Variants in ABCA5 observed in about 807,000 individuals in gnomAD.
ABCA5 encodes ATP binding cassette subfamily A member 5, also known as cholesterol transporter ABCA5.
A neutral mutation model predicts 206.0 loss-of-function variants in ABCA5; 163 were observed. That is an observed-to-expected ratio of 0.79 (90% CI 0.70 to 0.90). The LOEUF (loss-of-function observed/expected upper bound fraction) is 0.90. Ranked by LOEUF, ABCA5 falls within the 40% of genes least tolerant of loss-of-function variation. ABCA5 has a pLI of 0.00. For missense variants in ABCA5, 1,859 were observed against 1,912.9 expected (o/e 0.97, Z 0.53); for synonymous variants, 609 against 613.8 (o/e 0.99, Z 0.11).
chr17:69,250,766 T>C (rs1052495850), intron 35 of ABCA5, 145 bp from the exon 36 acceptor site: 16 of 472,520 alleles, frequency 3.4e-5, no homozygotes, highest in Non-Finnish European at 5.2e-5. Context: ...CCATACACTC[T>C]TTATCCGGTT....
chr17:69,323,340 C>T (rs1203816259), intron 1 of ABCA5, among the ~76,000 whole-genome samples: 3 of 152,254 alleles, frequency 2.0e-5, no homozygotes, highest in South Asian at 2.1e-4. Context: ...GCACTAACCT[C>T]GTACGAAAAA....
At position 69,303,808 on chromosome 17, in the gene ABCA5, A is replaced by G. The variant is rs1216795495; in HGVS notation, c.930+861T>C. On this transcript the variant is annotated intron_variant, in intron 7 of 38. Transcript: ENST00000392676. Reference sequence around the variant, plus strand: ...AAAATATATATATATATATATATATACATACATATATATATATGTATATAT... The same window carrying G: ...AAAATATATATATATATATATATATGCATACATATATATATATGTATATAT... Among the ~76,000 whole-genome samples, 59 of 6,700 alleles carry G rather than the reference A, an allele frequency of 8.8e-3. 4 individuals carry two copies. Among genetic ancestry groups the G allele is most frequent in the African/African-American group, 9.7e-3 (59 of 6,094 alleles). 4.4% of individuals were successfully genotyped at this position (6,700 alleles called of 152,430 possible).
chr17:69,306,911 T>C lies in ABCA5; in HGVS notation c.602A>G (p.Lys201Arg), dbSNP rs1239513292. ...AGCAGTTTCTCCCATAATAACAGCT[T>C]TAGTTGACTCCAGCTCCTTCCAAAG... ...VSLWKELEST[K>R]AVIMGETAVV... Residue 201 changes from lysine to arginine, a missense_variant, in exon 6 of 39, where the codon AAA becomes AGA. Lys to Arg is a conservative substitution (Grantham distance 26). Coordinates refer to ENST00000392676, the MANE Select transcript of ABCA5 (RefSeq NM_172232.4). 1 of 1,589,638 alleles carries C rather than the reference T, an allele frequency of 6.3e-7. No individual in the cohort carries two copies. Among genetic ancestry groups the C allele is most frequent in the Non-Finnish European group, 8.6e-7 (1 of 1,167,662 alleles).
Position 69,297,132 on chromosome 17 carries a change from A to G in ABCA5, c.1436+59T>C, listed in dbSNP as rs901312432. 75 of 1,482,978 alleles carry G rather than the reference A, an allele frequency of 5.1e-5. 1 individual carries two copies. Among genetic ancestry groups the G allele is most frequent in the Non-Finnish European group, 1.1e-5 (12 of 1,083,630 alleles). The allele number at this position is 1,482,978 out of a possible 1,614,324, so 91.9% of individuals were successfully genotyped here. The stretch of plus-strand genomic sequence containing the variant: ...ATATTTACATACATATTTAAAGAAT[A>G]GGATTTAAATGTTTCATCAGCAGTT... On this transcript the variant is annotated intron_variant, in intron 10 of 38. Transcript: ENST00000392676.
At chr17:69,321,343 G>A (rs1297664915) in intron 1 of ABCA5, among the ~76,000 whole-genome samples, 1 of 152,158 alleles carries the variant, frequency 6.6e-6, no homozygotes, top group Admixed American at 6.5e-5. Flanking sequence ...TGAAAACAGG[G>A]CTGCAAAGTT....
At position 69,313,180 on chromosome 17, in the gene ABCA5, A is replaced by T; in HGVS notation, c.219T>A (p.Thr73=). 4 of 1,605,278 alleles carry T rather than the reference A, an allele frequency of 2.5e-6. No homozygotes were observed. Among genetic ancestry groups the T allele is most frequent in the Non-Finnish European group, 3.4e-6 (4 of 1,172,654 alleles). The part of the protein sequence containing the change: ...NIELNPMDKF[T]LSNLILGYTP... ...TATATCCAAGAATTAGATTAGAAAG[A>T]GTAAACTTGTCCATAGGATTGAGTT... Residue 73 remains threonine (T), a synonymous_variant, in exon 3 of 39, where the codon ACT becomes ACA. Transcript: ENST00000392676.
At position 69,289,217 on chromosome 17, in the gene ABCA5, CT is replaced by C; in HGVS notation, c.1861del (p.Arg621GlufsTer5). 6.2e-7 allele frequency: 1 copy of C among 1,609,236 alleles called. No homozygotes were observed. The highest frequency in any genetic ancestry group is 8.5e-7 in the Non-Finnish European group (1 of 1,177,952). On this transcript the variant is annotated frameshift_variant, in exon 14 of 39. Coordinates refer to ENST00000392676, the MANE Select transcript of ABCA5 (RefSeq NM_172232.4). LOFTEE classifies it high-confidence loss of function. ...AACAGCAATTCCTAATGACAGCTTT[CT>C]TTTTTGACCACCACTTAATTTTTTA... ...QAKKLSGGQK[R>X]KLSLGIAVLG...
At chr17:69,271,851 A>G (rs1484051148) in intron 20 of ABCA5, among the ~76,000 whole-genome samples, 1 of 152,194 alleles carries the variant, frequency 6.6e-6, no homozygotes, top group Non-Finnish European at 1.5e-5. Flanking sequence ...CTGGGCAGAC[A>G]TGTCAATTGC....
chr17:69,288,594 C>T (rs1031027929), intron 14 of ABCA5, among the ~76,000 whole-genome samples: 2 of 151,766 alleles, frequency 1.3e-5, no homozygotes, highest in East Asian at 3.9e-4. Flanking sequence ...GGAGGCCAGG[C>T]GTGGTGGCTC....
chr17:69,304,472 TCTAAAA>T (rs1234955561), intron 7 of ABCA5, 191 bp downstream of exon 7: 2 of 432,494 alleles, frequency 4.6e-6, no homozygotes, highest in Admixed American at 8.6e-5. Context: ...TAAATCTAAA[TCTAAAA>T]CTATTTTGTA....
At chr17:69,257,353 CAAA>C (rs542087331) in intron 28 of ABCA5, among the ~76,000 whole-genome samples, 7 of 54,898 alleles carry the variant, frequency 1.3e-4, no homozygotes, top group African/African-American at 2.0e-4. Flanking sequence ...GATTCCATCT[CAAA>C]AAAAAAAAAA....
At chr17:69,253,225 C>G (rs1164869015) in intron 34 of ABCA5, among the ~76,000 whole-genome samples, 1 of 152,108 alleles carries the variant, frequency 6.6e-6, no homozygotes. Flanking sequence ...TAGAAAGAGT[C>G]TCAACATAAA....
rs572809016 is a variant in ABCA5, at chr17:69,270,392, T to C, written c.3030+221A>G. 4.6e-5 allele frequency among the ~76,000 whole-genome samples: 7 copies of C among 152,200 alleles called. No individual in the cohort carries two copies. The East Asian group carries it at 1.3e-3, about 29-fold the overall frequency. Reference sequence around the variant, plus strand: ...CAATATAGAACACACTTATTCCTTATACAAATATTAATACCAAAACAGAAT... The same window carrying C: ...CAATATAGAACACACTTATTCCTTACACAAATATTAATACCAAAACAGAAT... On this transcript the variant is annotated intron_variant, in intron 22 of 38. Coordinates refer to ENST00000392676, the MANE Select transcript of ABCA5 (RefSeq NM_172232.4).
intron 8 of ABCA5, 134 bp from the exon 9 acceptor site, chr17:69,301,420 C>A: frequency 5.7e-6 from 3 of 524,168 alleles, no homozygotes; most frequent in Non-Finnish European, 9.5e-6. Context: ...AAACACTTGA[C>A]CAAATTAATA....
chr17:69,300,808 A>C (rs191962019), intron 9 of ABCA5, among the ~76,000 whole-genome samples: 1 of 152,278 alleles, frequency 6.6e-6, no homozygotes, highest in African/African-American at 2.4e-5. Context: ...AAATGGTAGG[A>C]GTTACAAGAT....
intron 11 of ABCA5, among the ~76,000 whole-genome samples, chr17:69,293,835 T>G (rs1017867705): frequency 4.7e-5 from 4 of 85,160 alleles, no homozygotes; most frequent in South Asian, 5.1e-4. Flanking sequence ...ATCATACTGG[T>G]GTGTGTGTGT....
At position 69,313,315 on chromosome 17, in the gene ABCA5, A is replaced by T; in HGVS notation, c.103-19T>A. 8.4e-7 allele frequency: 1 copy of T among 1,191,340 alleles called. No homozygotes were observed. Among genetic ancestry groups the T allele is most frequent in the Non-Finnish European group, 1.2e-6 (1 of 850,438 alleles). 73.8% of individuals were successfully genotyped at this position (1,191,340 alleles called of 1,614,324 possible). ...GAATTTCCTACAATAAAAGAAACAA[A>T]GTAATTACAAAGTATAACAATGGCA... On this transcript the variant is annotated intron_variant, in intron 2 of 38. Transcript: ENST00000392676.
chr17:69,301,046 G>A (rs2075647281), intron 9 of ABCA5, 93 bp downstream of exon 9: 2 of 1,181,772 alleles, frequency 1.7e-6, no homozygotes, highest in Admixed American at 5.6e-5. Context: ...AGGGTACCCT[G>A]GTTAGGAAAA....
chr17:69,291,377 T>C, intron 11 of ABCA5, 51 bp from the exon 12 acceptor site: 1 of 1,126,696 alleles, frequency 8.9e-7, no homozygotes, highest in Non-Finnish European at 1.3e-6. Flanking sequence ...TCTGTTCAGC[T>C]ATGCATGATA....
Sources: gnomAD v4.1 joint callset for allele counts (sites outside exome capture counted in the v4.1 genomes callset) on GRCh38, gnomAD v4.1.1 for gene constraint, MANE v1.5 for transcripts, NCBI Gene and HGNC (gene_info 2026-07-23, HGNC 2026-07-21) for gene names.